ZNF407: variants seen among roughly 807,000 people sequenced by gnomAD.
ZNF407 encodes the protein zinc finger protein 407.
Under a neutral mutation model 131.2 loss-of-function variants are expected in ZNF407, and 17 were observed. The ratio of observed to expected loss-of-function variants is 0.13; its 90% CI spans 0.09 to 0.19. The LOEUF is 0.19. Among genes scored for constraint, ZNF407 ranks in the 10% least tolerant of loss-of-function variants. The pLI is 1.00. For missense variants in ZNF407, 2,681 were observed against 2,830.6 expected, an observed-to-expected ratio of 0.95 and a Z score of 1.20; for synonymous variants, 1,156 against 1,062.0, an observed-to-expected ratio of 1.09 and a Z score of -1.72.
intron 8 of ZNF407, among the ~76,000 whole-genome samples, chr18:75,039,127 A>G (rs1298904897): frequency 6.6e-6 from 1 of 152,262 alleles, no homozygotes; most frequent in African/African-American, 2.4e-5. Context: ...ACATCTTTAG[A>G]TAACAGTTTA....
chr18:74,916,683 G>A (rs1971773559), intron 7 of ZNF407, among the ~76,000 whole-genome samples: 1 of 136,660 alleles, frequency 7.3e-6, no homozygotes, highest in South Asian at 2.6e-4. Context: ...GAGGTTGTAT[G>A]CAGCATTCGT....
chr18:74,850,827 TA>T (rs1970772570), intron 4 of ZNF407, among the ~76,000 whole-genome samples: 1 of 152,318 alleles, frequency 6.6e-6, no homozygotes, highest in Non-Finnish European at 1.5e-5. Flanking sequence ...CAACCACTAA[TA>T]AAGAACTCTC....
chr18:74,889,743 T>C (rs568420692), intron 6 of ZNF407, among the ~76,000 whole-genome samples, 175 bp from the exon 7 acceptor site: 18 of 152,370 alleles, frequency 1.2e-4, no homozygotes, highest in African/African-American at 3.8e-4. Flanking sequence ...TGATATCTTC[T>C]AATTTTCTCA....
intron 7 of ZNF407, among the ~76,000 whole-genome samples, chr18:74,894,544 A>G (rs1314406921): frequency 6.6e-6 from 1 of 152,114 alleles, no homozygotes; most frequent in African/African-American, 2.4e-5. Context: ...TGTTTCACTC[A>G]TCACATTGGC....
rs189673579 is a variant in ZNF407 at position 74,627,715 on chromosome 18, A to G, written c.-53-3252A>G. ...GCGTTCTGTAATCAAATAAGGTTGG[A>G]AAGAGCTTGTGTACCGAGAAATCCT... On this transcript the variant is annotated intron_variant, in intron 1 of 8. Coordinates refer to ENST00000299687, the MANE Select transcript of ZNF407 (RefSeq NM_017757.3). Among the ~76,000 whole-genome samples, 8 of 152,212 alleles carry G rather than the reference A, an allele frequency of 5.3e-5. No individual in the cohort carries two copies. In the East Asian group the frequency reaches 1.5e-3, roughly 29 times the overall value.
At chr18:74,927,138 T>C (rs1400324216) in intron 8 of ZNF407, among the ~76,000 whole-genome samples, 1 of 152,254 alleles carries the variant, frequency 6.6e-6, no homozygotes, top group Non-Finnish European at 1.5e-5. Context: ...TCTACACCAT[T>C]GAATCTTCAA....
intron 2 of ZNF407, 50 bp from the exon 3 acceptor site, chr18:74,640,958 G>T: frequency 1.5e-6 from 2 of 1,336,006 alleles, no homozygotes; most frequent in Non-Finnish European, 2.2e-6. Context: ...CTAAGCTATT[G>T]GTGATGTATT....
chr18:74,936,287 G>T (rs563041560), intron 8 of ZNF407, among the ~76,000 whole-genome samples: 3 of 152,082 alleles, frequency 2.0e-5, no homozygotes, highest in Non-Finnish European at 4.4e-5. Flanking sequence ...CAAGATATTC[G>T]CCTGTTACAT....
chr18:74,767,789 G>C (rs541735486), intron 3 of ZNF407, among the ~76,000 whole-genome samples: 1 of 149,152 alleles, frequency 6.7e-6, no homozygotes, highest in South Asian at 2.1e-4. Context: ...GAGTAGCTGG[G>C]ACTAGAGGCG....
intron 7 of ZNF407, among the ~76,000 whole-genome samples, chr18:74,913,676 C>T (rs551859649): frequency 1.3e-5 from 2 of 152,296 alleles, no homozygotes; most frequent in African/African-American, 4.8e-5. Context: ...AGACTTCTGT[C>T]ATATCCATTA....
chr18:74,619,154 T>C (rs1480125408), intron 1 of ZNF407, among the ~76,000 whole-genome samples: 1 of 152,202 alleles, frequency 6.6e-6, no homozygotes, highest in Non-Finnish European at 1.5e-5. Context: ...AATCCATTAT[T>C]AAGATACTTT....
intron 4 of ZNF407, among the ~76,000 whole-genome samples, chr18:74,825,555 A>G (rs545553922): frequency 9.8e-5 from 15 of 152,304 alleles, no homozygotes; most frequent in African/African-American, 3.6e-4. Flanking sequence ...AGATTGTTAA[A>G]CAATAAAACT....
At chr18:74,979,353 G>A (rs148688372) in intron 8 of ZNF407, among the ~76,000 whole-genome samples, 2,372 of 152,258 alleles carry the variant, frequency 0.016, 69 homozygotes, top group African/African-American at 0.053. Context: ...GTGCAGTGGT[G>A]CAATCTCAGC....
chr18:74,874,936 G>T (rs899872483), intron 4 of ZNF407, among the ~76,000 whole-genome samples: 6 of 151,998 alleles, frequency 3.9e-5, no homozygotes, highest in African/African-American at 1.2e-4. Flanking sequence ...CCCTCTTCTC[G>T]CAGGGTTCAC....
chr18:74,927,790 A>G lies in ZNF407; in HGVS notation c.5428+7098A>G, dbSNP rs139767327. ...TTTTTTGCATGTATTTCAAGTTGCT[A>G]TTAAGGATAATGAATCTCATAACAA... On this transcript the variant is annotated intron_variant, in intron 8 of 8. Coordinates refer to ENST00000299687, the MANE Select transcript of ZNF407 (RefSeq NM_017757.3). Among the ~76,000 whole-genome samples the G allele has an allele frequency of 3.9e-5, 6 of 152,022 alleles. No homozygotes were observed. The East Asian group carries it at 7.8e-4, about 20-fold the overall frequency.
chr18:75,012,724 G>A (rs1294224968), intron 8 of ZNF407, among the ~76,000 whole-genome samples: 2 of 150,612 alleles, frequency 1.3e-5, no homozygotes, highest in African/African-American at 4.9e-5. Context: ...TTTGCTATTA[G>A]GCAATTCCAT....
intron 3 of ZNF407, among the ~76,000 whole-genome samples, chr18:74,682,893 G>A (rs522009): frequency 0.7 from 105,769 of 152,054 alleles, 37,699 homozygotes; most frequent in East Asian, 0.85. Context: ...GTGCATGCTT[G>A]TGGTGTGCTG....
chr18:74,934,674 C>T lies in ZNF407; in HGVS notation c.5428+13982C>T, dbSNP rs562384854. Among the ~76,000 whole-genome samples, 9 of 152,232 alleles carry T rather than the reference C, an allele frequency of 5.9e-5. No homozygotes were observed. In the South Asian group the frequency reaches 1.0e-3, roughly 18 times the overall value. On this transcript the variant is annotated intron_variant, in intron 8 of 8. Transcript: ENST00000299687. ...TACAAAAATTAGCCGGACATGGTGG[C>T]GCGTGCCTGTAATACCAGCTATTCG...
Position 75,064,215 on chromosome 18 carries a change from A to G in ZNF407, c.6494A>G (p.Glu2165Gly), listed in dbSNP as rs888921894. The G allele has an allele frequency of 4.4e-6, 7 of 1,606,304 alleles. No individual in the cohort carries two copies. The highest frequency in any genetic ancestry group is 5.9e-6 in the Non-Finnish European group (7 of 1,177,808). Reference protein sequence around the residue: ...MVQESSGGFSEGTTHYILTEL... With the variant: ...MVQESSGGFSGGTTHYILTEL... Reference sequence around the variant, plus strand: ...CAGGAGTCCAGTGGCGGCTTCTCCGAGGGCACCACGCACTACATCCTGACA... The same window carrying G: ...CAGGAGTCCAGTGGCGGCTTCTCCGGGGGCACCACGCACTACATCCTGACA... The change falls in exon 9 of 9, where the codon GAG becomes GGG. Residue 2165 changes from glutamate (E) to glycine (G), a missense_variant. This residue lies in a region of ZNF407 where 620 missense variants were observed against 583.1 expected (regional missense o/e 1.06). Coordinates refer to ENST00000299687, the MANE Select transcript of ZNF407 (RefSeq NM_017757.3).
Sources: allele counts gnomAD v4.1 joint callset (sites outside exome capture counted in the v4.1 genomes callset), GRCh38; gene constraint gnomAD v4.1.1; regional missense constraint gnomAD v4.1.1; transcripts MANE v1.5; gene names NCBI Gene and HGNC (gene_info 2026-07-23, HGNC 2026-07-21).